Variants in RBPJ observed in about 807,000 individuals in gnomAD.
The protein encoded by RBPJ is recombining binding protein suppressor of hairless.
RBPJ carries 9 observed loss-of-function variants against 67.8 expected under a neutral mutation model. That is an observed-to-expected ratio of 0.13 (90% CI 0.08 to 0.23). The LOEUF is 0.23. Among genes scored for constraint, RBPJ ranks in the 10% least tolerant of loss-of-function variants. The pLI is 1.00. For missense variants in RBPJ, 305 were observed against 595.6 expected (o/e 0.51, Z 5.08); for synonymous variants, 198 against 203.3 (o/e 0.97, Z 0.22).
intron 1 of RBPJ, among the ~76,000 whole-genome samples, chr4:26,345,761 C>T (rs7684003): frequency 0.039 from 5,984 of 152,242 alleles, 308 homozygotes; most frequent in African/African-American, 0.12. Context: ...CTGTCATCTA[C>T]GTGCTATTTT....
intron 1 of RBPJ, among the ~76,000 whole-genome samples, chr4:26,314,143 AT>A (rs1167190716): frequency 6.6e-6 from 1 of 152,190 alleles, no homozygotes; most frequent in Non-Finnish European, 1.5e-5. Flanking sequence ...AAGTATATAT[AT>A]ATCACTGTTT....
chr4:26,393,924 A>G (rs1731817492), intron 2 of RBPJ, among the ~76,000 whole-genome samples: 1 of 152,092 alleles, frequency 6.6e-6, no homozygotes, highest in Non-Finnish European at 1.5e-5. Flanking sequence ...TGTGAAGGTC[A>G]TCTTTTAGGT....
intron 1 of RBPJ, among the ~76,000 whole-genome samples, chr4:26,304,009 T>C (rs1363807983): frequency 2.0e-5 from 3 of 152,178 alleles, no homozygotes; most frequent in African/African-American, 7.2e-5. Context: ...TGAAGTCCTA[T>C]ATCCTTTCAC....
In RBPJ at chr4:26,394,719, A is replaced by C. The variant is rs572671870; in HGVS notation, c.59+8328A>C. Among the ~76,000 whole-genome samples the C allele has an allele frequency of 3.3e-5, 5 of 152,210 alleles. No homozygotes were observed. The East Asian group carries it at 9.6e-4, about 29-fold the overall frequency. Reference sequence around the variant, plus strand: ...TTAAAAAAGAGATATTATTCGACTTAATACTCTGTTGTACTAAGTGATTCT... The same window carrying C: ...TTAAAAAAGAGATATTATTCGACTTCATACTCTGTTGTACTAAGTGATTCT... On this transcript the variant is annotated intron_variant, in intron 2 of 10. Coordinates refer to ENST00000355476, the MANE Select transcript of RBPJ (RefSeq NM_015874.6).
chr4:26,380,139 A>AT (rs1213003157), intron 1 of RBPJ, among the ~76,000 whole-genome samples: 1 of 152,238 alleles, frequency 6.6e-6, no homozygotes, highest in Non-Finnish European at 1.5e-5. Flanking sequence ...TGGGTGGAGA[A>AT]TGAGTAAACT....
At chr4:26,394,633 G>A (rs1360392934) in intron 2 of RBPJ, among the ~76,000 whole-genome samples, 1 of 152,210 alleles carries the variant, frequency 6.6e-6, no homozygotes, top group Non-Finnish European at 1.5e-5. Flanking sequence ...AGTGCTTAGT[G>A]TGTCGAGTGG....
chr4:26,377,545 G>A (rs1413967279), intron 1 of RBPJ, among the ~76,000 whole-genome samples: 1 of 152,244 alleles, frequency 6.6e-6, no homozygotes, highest in Non-Finnish European at 1.5e-5. Flanking sequence ...ATAAGATGAA[G>A]TGAGGCGTCT....
intron 1 of RBPJ, chr4:26,384,649 T>C (rs991896364): frequency 1.3e-5 from 2 of 152,200 alleles, no homozygotes; most frequent in South Asian, 4.1e-4. Context: ...CATATACTTA[T>C]TTATCTCTAT....
chr4:26,111,086 G>T, the RBPJ span, among the ~76,000 whole-genome samples: 1 of 152,122 alleles, frequency 6.6e-6, no homozygotes, highest in Non-Finnish European at 1.5e-5. Context: ...GATGACTCTA[G>T]GCTGGCTTCC....
intron 1 of RBPJ, among the ~76,000 whole-genome samples, chr4:26,225,135 C>G (rs528520587): frequency 2.0e-5 from 3 of 152,066 alleles, no homozygotes; most frequent in African/African-American, 4.8e-5. Flanking sequence ...CTATCGGGAA[C>G]CAAAATTTTA....
At chr4:26,355,692 G>A (rs911159878) in intron 1 of RBPJ, among the ~76,000 whole-genome samples, 7 of 152,116 alleles carry the variant, frequency 4.6e-5, no homozygotes, top group Non-Finnish European at 8.8e-5. Context: ...CTCATTAACA[G>A]ATAAGAACTT....
At chr4:26,210,879 A>G (rs961290356) in intron 1 of RBPJ, among the ~76,000 whole-genome samples, 6 of 150,308 alleles carry the variant, frequency 4.0e-5, no homozygotes, top group African/African-American at 1.5e-4. Flanking sequence ...TTTCAACCGA[A>G]GAGCCTGGAT....
At chr4:26,369,637 GCT>G (rs551480101) in intron 1 of RBPJ, among the ~76,000 whole-genome samples, 85 of 152,272 alleles carry the variant, frequency 5.6e-4, no homozygotes, top group African/African-American at 1.6e-3. Flanking sequence ...CAGAAGAAAA[GCT>G]CTGTATTTCA....
chr4:26,157,170 CTG>C, the RBPJ span, among the ~76,000 whole-genome samples: 24 of 151,448 alleles, frequency 1.6e-4, no homozygotes, highest in African/African-American at 5.1e-4. Flanking sequence ...TGGCTCATAA[CTG>C]TAATCTCAGT....
chr4:26,396,409 G>T (rs991892574), intron 2 of RBPJ, among the ~76,000 whole-genome samples: 3 of 152,210 alleles, frequency 2.0e-5, no homozygotes, highest in Non-Finnish European at 2.9e-5. Context: ...CCTGGGATTC[G>T]AAGAGTTAAG....
At chr4:26,106,696 C>T in the RBPJ span, among the ~76,000 whole-genome samples, 1 of 152,184 alleles carries the variant, frequency 6.6e-6, no homozygotes, top group South Asian at 2.1e-4. Flanking sequence ...CTATAAACAA[C>T]CTCCCCAGTA....
At chr4:26,315,167 A>AATATATATATATAT (rs67496694), upstream of RBPJ, among the ~76,000 whole-genome samples, 6 of 74,756 alleles carry the variant, frequency 8.0e-5, no homozygotes, top group African/African-American at 2.7e-4. Context: ...AAAAAAAAAA[A>AATATATATATATAT]ATATATATAT....
intron 1 of RBPJ, among the ~76,000 whole-genome samples, chr4:26,310,607 GA>G (rs1015743857): frequency 2.6e-4 from 39 of 149,174 alleles, no homozygotes; most frequent in Non-Finnish European, 4.4e-5. Flanking sequence ...GGGGATATGA[GA>G]AAAAAATGAA....
chr4:26,166,484 T>C, intron 1 of RBPJ, among the ~76,000 whole-genome samples: 1 of 148,364 alleles, frequency 6.7e-6, no homozygotes, highest in African/African-American at 2.5e-5. Context: ...ATGAGCATTT[T>C]TTCATGTGTT....
Sources: allele counts gnomAD v4.1 joint callset (sites outside exome capture counted in the v4.1 genomes callset), GRCh38; gene constraint gnomAD v4.1.1; transcripts MANE v1.5; gene names NCBI Gene and HGNC (gene_info 2026-07-23, HGNC 2026-07-21).